ARHGAP32: variants seen among roughly 807,000 people sequenced by gnomAD.
The protein encoded by ARHGAP32 is rho GTPase-activating protein 32.
In ARHGAP32, 51 loss-of-function variants were observed where a neutral mutation model predicts 186.5. The ratio of observed to expected loss-of-function variants is 0.27; its 90% CI spans 0.22 to 0.35. The LOEUF (loss-of-function observed/expected upper bound fraction) is 0.35, where lower values mean the gene tolerates loss of function less well. ARHGAP32 is among the 10% of genes least tolerant of loss of function. The pLI is 1.00. For missense variants in ARHGAP32, 2,186 were observed against 2,623.5 expected (o/e 0.83, Z 3.64); for synonymous variants, 950 against 964.3 (o/e 0.99, Z 0.27).
chr11:129,133,059 A>G (rs1270547794), intron 2 of ARHGAP32, among the ~76,000 whole-genome samples: 1 of 152,154 alleles, frequency 6.6e-6, no homozygotes, highest in Non-Finnish European at 1.5e-5. Context: ...GGCCTCAGGA[A>G]ACTTACAATC....
chr11:128,997,438 T>G (rs1205353129), intron 12 of ARHGAP32, among the ~76,000 whole-genome samples: 1 of 152,206 alleles, frequency 6.6e-6, no homozygotes, highest in Admixed American at 6.5e-5. Context: ...TTTACCATTG[T>G]TTTTCACTAA....
chr11:128,979,741 A>G (rs932724577), intron 18 of ARHGAP32, among the ~76,000 whole-genome samples: 2 of 152,250 alleles, frequency 1.3e-5, no homozygotes, highest in Non-Finnish European at 2.9e-5. Context: ...TTCTAAAGTT[A>G]TATTAGTACT....
At chr11:129,190,425 G>A (rs1944247752) in intron 1 of ARHGAP32, among the ~76,000 whole-genome samples, 1 of 152,164 alleles carries the variant, frequency 6.6e-6, no homozygotes, top group Non-Finnish European at 1.5e-5. Flanking sequence ...GGAGAGCCAT[G>A]GTGCTATTCA....
chr11:129,183,956 A>T (rs1487509295), intron 1 of ARHGAP32, among the ~76,000 whole-genome samples: 1 of 152,116 alleles, frequency 6.6e-6, no homozygotes. Context: ...GAAAAAATAA[A>T]TCCTTAACAG....
At chr11:129,215,984 A>AAGAGCGATGTGAAAAC (rs1157468531) in intron 1 of ARHGAP32, among the ~76,000 whole-genome samples, 1 of 152,162 alleles carries the variant, frequency 6.6e-6, no homozygotes. Context: ...CAGAGGAGAA[A>AAGAGCGATGTGAAAAC]AGAGCGATGT....
intron 1 of ARHGAP32, among the ~76,000 whole-genome samples, chr11:129,208,065 C>A (rs1351207550): frequency 6.6e-6 from 1 of 152,078 alleles, no homozygotes; most frequent in Non-Finnish European, 1.5e-5. Context: ...AGTATGTTTG[C>A]CACTCTGATT....
intron 11 of ARHGAP32, among the ~76,000 whole-genome samples, chr11:129,006,137 T>C (rs558678157): frequency 7.5e-4 from 114 of 152,336 alleles, no homozygotes; most frequent in Non-Finnish European, 1.2e-3. Context: ...CTTTTCTGTG[T>C]TACCTTGAAT....
intron 1 of ARHGAP32, among the ~76,000 whole-genome samples, chr11:129,234,085 CTGTT>C (rs1944894137): frequency 6.6e-6 from 1 of 152,034 alleles, no homozygotes; most frequent in Admixed American, 6.6e-5. Flanking sequence ...CCGTACTTTC[CTGTT>C]TGTTTTTAAA....
At chr11:129,109,485 T>C (rs1332072384) in intron 5 of ARHGAP32, among the ~76,000 whole-genome samples, 1 of 152,122 alleles carries the variant, frequency 6.6e-6, no homozygotes, top group Non-Finnish European at 1.5e-5. Flanking sequence ...TTTTAGTTTT[T>C]TGAGAAATCT....
chr11:129,015,731 G>A (rs1938307605), intron 11 of ARHGAP32, among the ~76,000 whole-genome samples: 1 of 152,094 alleles, frequency 6.6e-6, no homozygotes, highest in South Asian at 2.1e-4. Flanking sequence ...TTTATCCACG[G>A]CACTTGTGGT....
intron 1 of ARHGAP32, among the ~76,000 whole-genome samples, chr11:129,239,218 C>T (rs1944983579): frequency 6.6e-6 from 1 of 152,134 alleles, no homozygotes; most frequent in South Asian, 2.1e-4. Flanking sequence ...TTCCTATTTC[C>T]TATATAGTCT....
chr11:128,989,710 A>G (rs1171575956), intron 12 of ARHGAP32, among the ~76,000 whole-genome samples: 1 of 151,346 alleles, frequency 6.6e-6, no homozygotes, highest in East Asian at 1.9e-4. Flanking sequence ...TCCCTCCCCT[A>G]GCCCCCCAAC....
chr11:129,160,051 C>T (rs985604472), intron 2 of ARHGAP32, among the ~76,000 whole-genome samples: 5 of 152,118 alleles, frequency 3.3e-5, no homozygotes, highest in Non-Finnish European at 7.4e-5. Flanking sequence ...AAATTCAACA[C>T]TGCTTCATGC....
At chr11:129,278,834 C>A (rs1206650539) in intron 1 of ARHGAP32, among the ~76,000 whole-genome samples, 1 of 151,338 alleles carries the variant, frequency 6.6e-6, no homozygotes, top group African/African-American at 2.4e-5. Flanking sequence ...GGCTGCCGCC[C>A]GCCTTGGGCC....
At chr11:129,193,549 A>ATATATTATATAAT (rs1491369040), upstream of ARHGAP32, among the ~76,000 whole-genome samples, 2 of 50,026 alleles carry the variant, frequency 4.0e-5, no homozygotes, top group Admixed American at 6.5e-4. Flanking sequence ...TATTATATAT[A>ATATATTATATAAT]ATATATATAT....
chr11:129,122,182 C>T (rs1454169671), intron 5 of ARHGAP32, among the ~76,000 whole-genome samples: 4 of 152,012 alleles, frequency 2.6e-5, no homozygotes, highest in Non-Finnish European at 4.4e-5. Context: ...AAATCAGATG[C>T]TTTAGAGATT....
chr11:129,068,324 A>G (rs1465964344), intron 6 of ARHGAP32, among the ~76,000 whole-genome samples: 2 of 152,030 alleles, frequency 1.3e-5, no homozygotes, highest in African/African-American at 2.4e-5. Flanking sequence ...CCTTGCCTTC[A>G]TGATTCTGTA....
chr11:129,214,526 C>T (rs1339812327), intron 1 of ARHGAP32, among the ~76,000 whole-genome samples: 4 of 152,172 alleles, frequency 2.6e-5, no homozygotes, highest in African/African-American at 9.6e-5. Context: ...GGTGGTCTCA[C>T]TTTCAGCACA....
intron 1 of ARHGAP32, among the ~76,000 whole-genome samples, chr11:129,231,029 G>A (rs1225685121): frequency 6.6e-6 from 1 of 152,066 alleles, no homozygotes; most frequent in Non-Finnish European, 1.5e-5. Flanking sequence ...CAGCTACTCG[G>A]GAGGCTGAGC....
Sources: allele counts gnomAD v4.1 joint callset (sites outside exome capture counted in the v4.1 genomes callset), GRCh38; gene constraint gnomAD v4.1.1; transcripts MANE v1.5; gene names NCBI Gene and HGNC (gene_info 2026-07-23, HGNC 2026-07-21).